GRM8: variants seen among roughly 807,000 people sequenced by gnomAD.
GRM8 encodes glutamate metabotropic receptor 8, also known as metabotropic glutamate receptor 8.
In GRM8, 47 loss-of-function variants were observed where a neutral mutation model predicts 87.2. The observed-to-expected ratio is 0.54, with a 90% confidence interval of 0.43 to 0.69. The LOEUF (loss-of-function observed/expected upper bound fraction) is 0.69. Ranked by LOEUF, GRM8 falls within the 30% of genes least tolerant of loss-of-function variation. The probability of loss-of-function intolerance (pLI) is 0.00; values close to 1 mark genes in which losing one functional copy is unlikely to be tolerated. For missense variants in GRM8, 1,019 were observed against 1,139.2 expected (o/e 0.89, Z 1.52); for synonymous variants, 396 against 404.5 (o/e 0.98, Z 0.25).
chr7:126,810,373 G>A (rs1793170595), intron 6 of GRM8, among the ~76,000 whole-genome samples: 1 of 152,094 alleles, frequency 6.6e-6, no homozygotes, highest in South Asian at 2.1e-4. Flanking sequence ...GACAGGTTGA[G>A]GTTTAAACTC....
At chr7:126,726,880 T>C (rs1329097418) in intron 7 of GRM8, among the ~76,000 whole-genome samples, 1 of 151,946 alleles carries the variant, frequency 6.6e-6, no homozygotes, top group African/African-American at 2.4e-5. Context: ...AAAAAAACCA[T>C]TTCTGGTTTG....
intron 8 of GRM8, among the ~76,000 whole-genome samples, chr7:126,546,972 C>A (rs941082430): frequency 3.2e-4 from 48 of 152,248 alleles, no homozygotes; most frequent in African/African-American, 1.1e-3. Context: ...AAGTAAAAAT[C>A]TGAATCCTGA....
intron 6 of GRM8, among the ~76,000 whole-genome samples, chr7:126,785,766 C>T (rs1285714818): frequency 3.3e-5 from 5 of 152,050 alleles, no homozygotes; most frequent in Non-Finnish European, 4.4e-5. Flanking sequence ...TAGAAGGAGC[C>T]TAGGTCACTA....
In GRM8 at chr7:126,826,979, C is replaced by A. The variant is rs534353121; in HGVS notation, c.1157-56914G>T. On this transcript the variant is annotated intron_variant, in intron 6 of 10. Transcript: ENST00000339582. ...CCGTTTATTAAATAGGGAATCCTTT[C>A]CCCCATTGCTTGTTTTTCTCAGGTT... Among the ~76,000 whole-genome samples the A allele has an allele frequency of 1.7e-4, 26 of 152,202 alleles. No homozygotes were observed. The South Asian group carries it at 3.9e-3, about 23-fold the overall frequency.
intron 3 of GRM8, among the ~76,000 whole-genome samples, chr7:126,953,898 C>T (rs17869313): frequency 0.047 from 7,155 of 152,204 alleles, 565 homozygotes; most frequent in African/African-American, 0.16. Flanking sequence ...CATTTACTGA[C>T]AACACCAGTA....
At chr7:127,136,375 T>G (rs1431170973) in intron 2 of GRM8, among the ~76,000 whole-genome samples, 1 of 152,094 alleles carries the variant, frequency 6.6e-6, no homozygotes, top group Non-Finnish European at 1.5e-5. Context: ...ATAGCTCACG[T>G]TATGGCAGAA....
At position 126,770,082 on chromosome 7, in the gene GRM8, T is replaced by A. The variant is rs1554486327; in HGVS notation, c.1157-17A>T. 9 of 1,572,140 alleles carry A rather than the reference T, an allele frequency of 5.7e-6. No individual in the cohort carries two copies. The highest frequency in any genetic ancestry group is 1.1e-5 in the South Asian group (1 of 88,874). ...GCTCCAGCCCTGCAAAATAAAAAAG[T>A]AAAAACCATCAGTTGATGTTAGATT... On this transcript the variant is annotated splice_polypyrimidine_tract_variant and intron_variant, in intron 6 of 10. Transcript: ENST00000339582.
At chr7:126,714,286 A>AT (rs1811470433) in intron 7 of GRM8, among the ~76,000 whole-genome samples, 1 of 97,230 alleles carries the variant, frequency 1.0e-5, no homozygotes, top group African/African-American at 3.7e-5. Context: ...TCAAATAATA[A>AT]TAATAATAAT....
At chr7:126,631,549 A>T (rs1046599012) in intron 7 of GRM8, among the ~76,000 whole-genome samples, 1 of 151,876 alleles carries the variant, frequency 6.6e-6, no homozygotes, top group Non-Finnish European at 1.5e-5. Context: ...AATTGATATT[A>T]AAAACAAAAA....
intron 6 of GRM8, among the ~76,000 whole-genome samples, chr7:126,899,246 A>G (rs1801835012): frequency 2.6e-5 from 4 of 152,190 alleles, no homozygotes; most frequent in Admixed American, 2.6e-4. Context: ...AGTTAAGCAT[A>G]GTGTAAAATA....
intron 6 of GRM8, among the ~76,000 whole-genome samples, chr7:126,855,611 G>A (rs999654847): frequency 1.4e-4 from 22 of 152,076 alleles, no homozygotes; most frequent in African/African-American, 5.1e-4. Flanking sequence ...CAGTAGCTGG[G>A]ATTACAGGCA....
At chr7:126,642,896 G>A (rs1003010717) in intron 7 of GRM8, among the ~76,000 whole-genome samples, 15 of 152,046 alleles carry the variant, frequency 9.9e-5, no homozygotes, top group Non-Finnish European at 2.2e-4. Flanking sequence ...TGACAATAGG[G>A]TAAGTGTAAG....
chr7:126,968,900 G>C (rs1810134570), intron 3 of GRM8, among the ~76,000 whole-genome samples: 1 of 152,060 alleles, frequency 6.6e-6, no homozygotes, highest in Non-Finnish European at 1.5e-5. Flanking sequence ...ATGTATACAG[G>C]CATAGCTCAG....
intron 3 of GRM8, among the ~76,000 whole-genome samples, chr7:127,039,989 A>AAGGGAGGGGAGGGTGAGG (rs573629478): frequency 1.8e-5 from 1 of 55,110 alleles, no homozygotes; most frequent in African/African-American, 7.5e-5. Context: ...GGGGAAGGGG[A>AAGGGAGGGGAGGGTGAGG]AGGGAGGGGA....
chr7:126,476,002 C>T (rs966039827), intron 9 of GRM8, among the ~76,000 whole-genome samples: 1 of 152,110 alleles, frequency 6.6e-6, no homozygotes, highest in Non-Finnish European at 1.5e-5. Flanking sequence ...AACCTTAAAA[C>T]TCTTTGCATA....
rs886175 is a variant in GRM8, at chr7:126,578,725, G to A, written c.1494+30637C>T. On this transcript the variant is annotated intron_variant, in intron 8 of 10. Transcript: ENST00000339582. ...ATGTGCTAAAGTCTACTTGAAGGCT[G>A]TATAAAGGCACATTAATAAAAATCA... is the stretch of plus-strand genomic sequence containing the variant. Among the ~76,000 whole-genome samples the A allele has an allele frequency of 5.7e-3, 874 of 152,136 alleles. 6 individuals carry two copies. The highest frequency in any genetic ancestry group is 0.02 in the African/African-American group (834 of 41,462).
chr7:126,494,884 A>C (rs1808510086), intron 9 of GRM8, among the ~76,000 whole-genome samples: 1 of 152,100 alleles, frequency 6.6e-6, no homozygotes, highest in Non-Finnish European at 1.5e-5. Context: ...GAACATTGGA[A>C]AATACTATAT....
rs1819910868 is a variant in GRM8, at chr7:127,055,682, C to CAT, written c.727+50813_727+50814insAT. Among the ~76,000 whole-genome samples, 3 of 151,988 alleles carry CAT rather than the reference C, an allele frequency of 2.0e-5. No homozygotes were observed. The South Asian group carries it at 6.2e-4, about 32-fold the overall frequency. The stretch of plus-strand genomic sequence containing the variant: ...ATATTTATATATACACACACACACA[C>CAT]TCACATAACACACATATGCTTCTTA... On this transcript the variant is annotated intron_variant, in intron 3 of 10. Coordinates refer to ENST00000339582, the MANE Select transcript of GRM8 (RefSeq NM_000845.3).
At chr7:126,902,492 A>G (rs1432867098) in intron 6 of GRM8, 50 bp downstream of exon 6, 5 of 1,428,798 alleles carry the variant, frequency 3.5e-6, no homozygotes, top group Admixed American at 4.9e-5. Context: ...AAGTAATGAA[A>G]ACAAATGAAA....
Sources: gnomAD v4.1 joint callset for allele counts (sites outside exome capture counted in the v4.1 genomes callset) on GRCh38, gnomAD v4.1.1 for gene constraint, MANE v1.5 for transcripts, NCBI Gene and HGNC (gene_info 2026-07-23, HGNC 2026-07-21) for gene names.